Variants in SLC44A5 observed in about 807,000 individuals in gnomAD.
SLC44A5 encodes the protein solute carrier family 44 member 5.
SLC44A5 carries 57 observed loss-of-function variants against 101.8 expected under a neutral mutation model. That is an observed-to-expected ratio of 0.56 (90% CI 0.45 to 0.70). The LOEUF (loss-of-function observed/expected upper bound fraction) is 0.70, where lower values mean the gene tolerates loss of function less well. Among genes scored for constraint, SLC44A5 ranks in the 30% least tolerant of loss-of-function variants. The pLI, the probability that SLC44A5 is intolerant of heterozygous loss-of-function variation, is 0.00. For synonymous variants in SLC44A5, 281 were observed against 290.9 expected, an observed-to-expected ratio of 0.97 and a Z score of 0.35; for missense variants, 737 against 853.1, an observed-to-expected ratio of 0.86 and a Z score of 1.70.
At chr1:75,540,177 T>C (rs1355697992) in intron 2 of SLC44A5, among the ~76,000 whole-genome samples, 2 of 152,188 alleles carry the variant, frequency 1.3e-5, no homozygotes, top group Non-Finnish European at 2.9e-5. Flanking sequence ...ACACCATTTA[T>C]TGAGCATATA....
chr1:75,403,644 T>C (rs1049582718), intron 2 of SLC44A5, among the ~76,000 whole-genome samples: 1 of 152,038 alleles, frequency 6.6e-6, no homozygotes, highest in Non-Finnish European at 1.5e-5. Context: ...CAGAAAAGAA[T>C]AGCATTAACA....
Position 75,527,768 on chromosome 1 carries a change from C to A in SLC44A5, c.13+13667G>T, listed in dbSNP as rs532981161. ...CTTTTTGAAATCAATGTCTACAAGA[C>A]CCTTCCAGTCAATGGATTACCCTTG... On this transcript the variant is annotated intron_variant, in intron 2 of 23. Transcript: ENST00000370859. Among the ~76,000 whole-genome samples, 45 of 152,228 alleles carry A rather than the reference C, an allele frequency of 3.0e-4. No homozygotes were observed. The South Asian group carries it at 5.8e-3, about 20-fold the overall frequency.
the SLC44A5 span, among the ~76,000 whole-genome samples, chr1:75,624,597 T>G: frequency 6.6e-6 from 1 of 152,230 alleles, no homozygotes; most frequent in Middle Eastern, 3.4e-3. Flanking sequence ...ATCTGGAGAA[T>G]GAAAAAGAGC....
At chr1:75,355,425 A>G (rs1202041999) in intron 3 of SLC44A5, among the ~76,000 whole-genome samples, 1 of 152,220 alleles carries the variant, frequency 6.6e-6, no homozygotes, top group Non-Finnish European at 1.5e-5. Flanking sequence ...AATATAATCC[A>G]TACACTACCT....
At chr1:75,589,282 G>A (rs1236415889) in intron 1 of SLC44A5, among the ~76,000 whole-genome samples, 4 of 152,176 alleles carry the variant, frequency 2.6e-5, no homozygotes, top group African/African-American at 9.7e-5. Context: ...CTGGCTATGT[G>A]ACTGTGGGAA....
chr1:75,286,235 C>G (rs530722302), intron 5 of SLC44A5, among the ~76,000 whole-genome samples: 1 of 152,016 alleles, frequency 6.6e-6, no homozygotes, highest in East Asian at 1.9e-4. Context: ...CCCTCTTTGT[C>G]TTTTTAAACT....
intron 3 of SLC44A5, among the ~76,000 whole-genome samples, chr1:75,386,416 C>G (rs1161045707): frequency 6.6e-6 from 1 of 152,092 alleles, no homozygotes; most frequent in Non-Finnish European, 1.5e-5. Context: ...ACACCAACAA[C>G]AGACAAACAG....
chr1:75,645,048 C>T, the SLC44A5 span, among the ~76,000 whole-genome samples: 1 of 151,982 alleles, frequency 6.6e-6, no homozygotes, highest in Non-Finnish European at 1.5e-5. Context: ...TGGGTTGGTT[C>T]CAAGTCTTTG....
intron 2 of SLC44A5, among the ~76,000 whole-genome samples, chr1:75,540,000 C>T (rs1238851026): frequency 6.6e-6 from 1 of 152,196 alleles, no homozygotes; most frequent in Non-Finnish European, 1.5e-5. Flanking sequence ...AGTATTTTCC[C>T]TTACGGTATT....
At chr1:75,702,002 A>G in the SLC44A5 span, among the ~76,000 whole-genome samples, 1 of 152,124 alleles carries the variant, frequency 6.6e-6, no homozygotes. Flanking sequence ...TCAATGAAAT[A>G]AAAGAGGATA....
intron 12 of SLC44A5, 43 bp downstream of exon 12, chr1:75,233,941 AGG>A: frequency 7.4e-7 from 1 of 1,350,990 alleles, no homozygotes. Flanking sequence ...TGAAAATAAA[AGG>A]ATTATTCTGA....
chr1:75,453,322 T>C (rs1666007621), intron 2 of SLC44A5, among the ~76,000 whole-genome samples: 1 of 152,024 alleles, frequency 6.6e-6, no homozygotes, highest in Non-Finnish European at 1.5e-5. Flanking sequence ...AATCAATAAA[T>C]TCTTTGAAAT....
At chr1:75,717,903 T>C in the SLC44A5 span, among the ~76,000 whole-genome samples, 1 of 152,180 alleles carries the variant, frequency 6.6e-6, no homozygotes, top group African/African-American at 2.4e-5. Flanking sequence ...TGACCAACAA[T>C]TGCCTGAGGT....
At chr1:75,587,470 A>T (rs1270476827) in intron 1 of SLC44A5, among the ~76,000 whole-genome samples, 1 of 152,140 alleles carries the variant, frequency 6.6e-6, no homozygotes, top group African/African-American at 2.4e-5. Context: ...TGGCCAGTTC[A>T]TTCATCATTT....
the SLC44A5 span, among the ~76,000 whole-genome samples, chr1:75,671,236 G>A: frequency 6.6e-6 from 1 of 152,164 alleles, no homozygotes; most frequent in Non-Finnish European, 1.5e-5. Context: ...CTCCATAAAA[G>A]AAGCAGTTGG....
At chr1:75,496,957 G>C (rs1668710530) in intron 2 of SLC44A5, among the ~76,000 whole-genome samples, 1 of 152,012 alleles carries the variant, frequency 6.6e-6, no homozygotes, top group Non-Finnish European at 1.5e-5. Flanking sequence ...TATTAGAATG[G>C]TTATTATCAA....
At position 75,246,637 on chromosome 1, in the gene SLC44A5, G is replaced by A. The variant is rs113387958; in HGVS notation, c.346-3626C>T. Among the ~76,000 whole-genome samples the A allele has an allele frequency of 4.8e-3, 731 of 152,170 alleles. 12 individuals are homozygous for A. The highest frequency in any genetic ancestry group is 0.016 in the African/African-American group (681 of 41,550). On this transcript the variant is annotated intron_variant, in intron 7 of 23. Coordinates refer to ENST00000370859, the MANE Select transcript of SLC44A5 (RefSeq NM_001130058.2). Reference sequence around the variant, plus strand: ...ATGGTATAAGATGATAAATAAATAAGGCTGGAAAGGAGGCTACAGAGAGAG... The same window carrying A: ...ATGGTATAAGATGATAAATAAATAAAGCTGGAAAGGAGGCTACAGAGAGAG...
chr1:75,522,934 T>C (rs973717460), intron 2 of SLC44A5, among the ~76,000 whole-genome samples: 1 of 152,166 alleles, frequency 6.6e-6, no homozygotes, highest in African/African-American at 2.4e-5. Context: ...CTCACTTCAT[T>C]TGATTCCCCT....
intron 3 of SLC44A5, among the ~76,000 whole-genome samples, chr1:75,355,933 T>G (rs1461081216): frequency 6.6e-6 from 1 of 152,066 alleles, no homozygotes; most frequent in South Asian, 2.1e-4. Context: ...CTGGGCCTCT[T>G]GAAGTCAGTG....
Sources: gnomAD v4.1 joint callset for allele counts (sites outside exome capture counted in the v4.1 genomes callset) on GRCh38, gnomAD v4.1.1 for gene constraint, MANE v1.5 for transcripts, NCBI Gene and HGNC (gene_info 2026-07-23, HGNC 2026-07-21) for gene names.